Variants in FRK observed in about 807,000 individuals in gnomAD.
The protein encoded by FRK is tyrosine-protein kinase FRK.
A neutral mutation model predicts 56.4 loss-of-function variants in FRK; 51 were observed. The observed-to-expected ratio is 0.90, with a 90% CI of 0.72 to 1.14. The LOEUF is 1.14. Among genes scored for constraint, FRK ranks in the 50% most tolerant of loss-of-function variants. FRK has a pLI of 0.00. For synonymous variants in FRK, 245 were observed against 217.9 expected (o/e 1.12, Z -1.10); for missense variants, 570 against 601.4 (o/e 0.95, Z 0.55).
Position 116,060,595 on chromosome 6 carries a change from C to A in FRK, c.-284G>T, listed in dbSNP as rs141741968. On this transcript the variant is annotated 5_prime_UTR_variant, in exon 1 of 8. Coordinates refer to ENST00000606080, the MANE Select transcript of FRK (RefSeq NM_002031.3). ...CTAGGAAGGTGTCTTTTCTTCTTAT[C>A]TGCTTAAGAATCCCACAACAAAAAT... The A allele has an allele frequency of 2.3e-5, 8 of 348,882 alleles. No homozygotes were observed. In the East Asian group the frequency reaches 3.9e-4, roughly 17 times the overall value. 21.6% of individuals were successfully genotyped at this position (348,882 alleles called of 1,614,324 possible). A position where few individuals can be genotyped will look rare whatever the true frequency, so the allele number is the denominator to read the frequency against.
At chr6:116,021,642 G>C (rs995556760) in intron 1 of FRK, among the ~76,000 whole-genome samples, 6 of 152,026 alleles carry the variant, frequency 3.9e-5, no homozygotes, top group African/African-American at 1.4e-4. Context: ...TTACAGCAAA[G>C]GTCATGTCAC....
At position 116,003,979 on chromosome 6, in the gene FRK, C is replaced by T. The variant is rs3756772; in HGVS notation, c.364G>A (p.Gly122Arg). 674,955 of 1,609,432 alleles carry T rather than the reference C, an allele frequency of 0.42. 148,027 individuals are homozygous for T. Among genetic ancestry groups the T allele is most frequent in the East Asian group, 0.75 (33,677 of 44,772 alleles). The change falls in exon 2 of 8, where the codon GGA becomes AGA. Residue 122 changes from glycine (G) to arginine (R), a missense_variant. Transcript: ENST00000606080. Reference protein sequence around the residue: ...QAEPWFFGAIGRSDAEKQLLY... With the variant: ...QAEPWFFGAIRRSDAEKQLLY... Reference sequence around the variant, plus strand: ...AGTTGTTTCTCTGCATCTGATCTTCCGATTGCTCCAAAGAACCACCTAAAA... The same window carrying T: ...AGTTGTTTCTCTGCATCTGATCTTCTGATTGCTCCAAAGAACCACCTAAAA...
chr6:115,973,495 G>C (rs146311015), intron 2 of FRK, among the ~76,000 whole-genome samples: 2 of 152,030 alleles, frequency 1.3e-5, no homozygotes, highest in Non-Finnish European at 2.9e-5. Context: ...ACCATGGCAC[G>C]CGTATACTTA....
chr6:116,007,955 G>C (rs1048351390), intron 1 of FRK, among the ~76,000 whole-genome samples: 1 of 152,014 alleles, frequency 6.6e-6, no homozygotes, highest in Non-Finnish European at 1.5e-5. Context: ...ATGAAGGGAT[G>C]ATGGTGCAAA....
At chr6:116,042,626 A>G (rs953288670) in intron 1 of FRK, among the ~76,000 whole-genome samples, 1 of 152,190 alleles carries the variant, frequency 6.6e-6, no homozygotes, top group Non-Finnish European at 1.5e-5. Context: ...AGACACTGCA[A>G]AAACATACCA....
chr6:116,075,465 GAAAA>G, the FRK span, among the ~76,000 whole-genome samples: 1 of 136,432 alleles, frequency 7.3e-6, no homozygotes, highest in Non-Finnish European at 1.6e-5. Flanking sequence ...AGAGCTGGGG[GAAAA>G]AAAAAAAAAA....
rs762614101 is a variant in FRK, at chr6:116,003,943, C to A, written c.400G>T (p.Glu134Ter). The change falls in exon 2 of 8, where the codon GAA (glutamate) becomes TAA (stop). Residue 134 changes from glutamate to a stop codon, truncating the protein, a stop_gained. Coordinates refer to ENST00000606080, the MANE Select transcript of FRK (RefSeq NM_002031.3). LOFTEE classifies it high-confidence loss of function. ...SDAEKQLLYS[E>*]NKTGSFLIRE... is the part of the protein sequence containing the mutation. ...ATTAGAAAGGAACCGGTCTTGTTTT[C>A]TGAATATAATAGTTGTTTCTCTGCA... is the stretch of plus-strand genomic sequence containing the variant. 8 of 1,613,108 alleles carry A rather than the reference C, an allele frequency of 5.0e-6. No individual in the cohort carries two copies. The highest frequency in any genetic ancestry group is 6.8e-6 in the Non-Finnish European group (8 of 1,179,468).
At chr6:116,054,984 C>T (rs1379532399) in intron 1 of FRK, among the ~76,000 whole-genome samples, 1 of 152,046 alleles carries the variant, frequency 6.6e-6, no homozygotes, top group East Asian at 1.9e-4. Context: ...AAAAAATCTG[C>T]TGACATTTAA....
rs1211074359 is a variant in FRK at position 115,942,077 on chromosome 6, T to C, written c.*337A>G. ...AACAGGAAAATGCTACAACAGTCAC[T>C]GAGTAAAAATTGGACTATCATCTGT... On this transcript the variant is annotated 3_prime_UTR_variant, in exon 8 of 8. Transcript: ENST00000606080. The C allele has an allele frequency of 8.3e-6, 2 of 240,088 alleles. No individual in the cohort carries two copies. The highest frequency in any genetic ancestry group is 1.7e-5 in the Non-Finnish European group (2 of 120,278). The allele number at this position is 240,088 out of a possible 1,614,324, so 14.9% of individuals were successfully genotyped here. A position where few individuals can be genotyped will look rare whatever the true frequency, so the allele number is the denominator to read the frequency against.
rs758429697 is a variant in FRK at position 116,060,205 on chromosome 6, C to G, written c.107G>C (p.Cys36Ser). The change falls in exon 1 of 8, where the codon TGC becomes TCC. Residue 36 changes from cysteine (C) to serine (S), a missense_variant. Cys to Ser is a moderately radical substitution (Grantham distance 112, BLOSUM62 -1). Coordinates refer to ENST00000606080, the MANE Select transcript of FRK (RefSeq NM_002031.3). ...STVIENPGALCSPQSQRHGHY... is the reference protein window; with the variant it reads ...STVIENPGALSSPQSQRHGHY... ...GCCATGCCTCTGTGACTGGGGAGAGCAAAGGGCCCCTGGATTTTCAATCAC... is the reference window on the plus strand; with the variant it reads ...GCCATGCCTCTGTGACTGGGGAGAGGAAAGGGCCCCTGGATTTTCAATCAC... 6.2e-7 allele frequency: 1 copy of G among 1,614,152 alleles called. No homozygotes were observed. Among genetic ancestry groups the G allele is most frequent in the Non-Finnish European group, 8.5e-7 (1 of 1,180,034 alleles).
At chr6:116,094,505 G>C in the FRK span, among the ~76,000 whole-genome samples, 1 of 152,230 alleles carries the variant, frequency 6.6e-6, no homozygotes, top group African/African-American at 2.4e-5. Context: ...GCTACAGATA[G>C]TAAGTATGCT....
rs897801278 is a variant in FRK at position 115,935,108 on chromosome 6, C to A, written c.*7306G>T. The stretch of plus-strand genomic sequence containing the variant: ...TCTGCAGCTCCCAGTGAGATCAACG[C>A]AGAAGGCGGGTGATTTCTGCATTTC... On this transcript the variant is annotated 3_prime_UTR_variant, in exon 8 of 8. Coordinates refer to ENST00000606080, the MANE Select transcript of FRK (RefSeq NM_002031.3). 1 of 152,426 alleles carries A rather than the reference C, an allele frequency of 6.6e-6. No homozygotes were observed. The highest frequency in any genetic ancestry group is 2.4e-5 in the African/African-American group (1 of 41,472). 9.4% of individuals were successfully genotyped at this position (152,426 alleles called of 1,614,324 possible).
the FRK span, among the ~76,000 whole-genome samples, chr6:116,089,190 C>T: frequency 6.6e-6 from 1 of 152,138 alleles, no homozygotes; most frequent in East Asian, 1.9e-4. Flanking sequence ...GATAAAAAGG[C>T]TTGGCTTAAA....
Position 116,029,009 on chromosome 6 carries a change from GT to G in FRK, c.345-25012del, listed in dbSNP as rs1015519176. On this transcript the variant is annotated intron_variant, in intron 1 of 7. Coordinates refer to ENST00000606080, the MANE Select transcript of FRK (RefSeq NM_002031.3). ...GTTGAGATGTGGGACCTGCCATTCT[GT>G]TTTGCTCACTCTGCTCCAGCCACAC... Among the ~76,000 whole-genome samples the G allele has an allele frequency of 2.7e-3, 416 of 152,160 alleles. 2 individuals carry two copies. Among genetic ancestry groups the G allele is most frequent in the African/African-American group, 9.7e-3 (402 of 41,536 alleles).
At chr6:116,094,318 C>T in the FRK span, among the ~76,000 whole-genome samples, 1 of 152,192 alleles carries the variant, frequency 6.6e-6, no homozygotes, top group African/African-American at 2.4e-5. Flanking sequence ...CTCACTGAGC[C>T]CCGGGTACAT....
Position 116,060,028 on chromosome 6 carries a change from T to A in FRK, c.284A>T (p.Gln95Leu). 6.2e-7 allele frequency: 1 copy of A among 1,614,196 alleles called. No homozygotes were observed. The highest frequency in any genetic ancestry group is 8.5e-7 in the Non-Finnish European group (1 of 1,180,038). Residue 95 changes from glutamine (Q) to leucine (L), a missense_variant, in exon 1 of 8, where the codon CAA becomes CTA. Coordinates refer to ENST00000606080, the MANE Select transcript of FRK (RefSeq NM_002031.3). ...GTTAGAAGGAATATAGCCTTGTAGT[T>A]GCTGACTGGAGCCATCTCGTCTTTT... Reference protein sequence around the residue: ...LEKRRDGSSQQLQGYIPSNYV... With the variant: ...LEKRRDGSSQLLQGYIPSNYV...
the FRK span, among the ~76,000 whole-genome samples, chr6:116,079,404 G>GTTT: frequency 7.0e-5 from 10 of 142,066 alleles, no homozygotes; most frequent in African/African-American, 2.6e-4. Context: ...TGGGTTTTTT[G>GTTT]TTTTTTTTTT....
chr6:116,096,691 A>T, the FRK span, among the ~76,000 whole-genome samples: 1 of 152,030 alleles, frequency 6.6e-6, no homozygotes, highest in East Asian at 1.9e-4. Context: ...AGCGCTCTGT[A>T]AAATGGACCA....
chr6:115,986,387 T>G (rs1046325812), intron 2 of FRK, among the ~76,000 whole-genome samples: 1 of 152,122 alleles, frequency 6.6e-6, no homozygotes, highest in Non-Finnish European at 1.5e-5. Context: ...AGTCGAGCCA[T>G]GACCAAACCA....
Sources: allele counts gnomAD v4.1 joint callset (sites outside exome capture counted in the v4.1 genomes callset), GRCh38; gene constraint gnomAD v4.1.1; transcripts MANE v1.5; gene names NCBI Gene and HGNC (gene_info 2026-07-23, HGNC 2026-07-21).